BRD4: variants seen among roughly 807,000 people sequenced by gnomAD.
The protein encoded by BRD4 is bromodomain-containing protein 4.
Under a neutral mutation model 142.1 loss-of-function variants are expected in BRD4, and 16 were observed. The ratio of observed to expected loss-of-function variants is 0.11; its 90% CI spans 0.08 to 0.17. BRD4 has a LOEUF of 0.17. Among genes scored for constraint, BRD4 ranks in the 10% least tolerant of loss-of-function variants. The pLI, the probability that BRD4 is intolerant of heterozygous loss-of-function variation, is 1.00. For synonymous variants in BRD4, 833 were observed against 707.5 expected (o/e 1.18, Z -2.82); for missense variants, 1,424 against 1,810.9 (o/e 0.79, Z 3.88).
chr19:15,259,016 G>T (rs1050408172), intron 7 of BRD4, among the ~76,000 whole-genome samples: 1 of 152,184 alleles, frequency 6.6e-6, no homozygotes, highest in Non-Finnish European at 1.5e-5. Flanking sequence ...GGGAGGAAAA[G>T]GTGGGGGGCT....
rs533031833 is a variant in BRD4, at chr19:15,267,877, T to C, written c.424-326A>G. ...TGAAAGGGGCCCTCCTTTGACACAATTCAATTTCACCAGAAATACGTGAAT... is the reference window on the plus strand; with the variant it reads ...TGAAAGGGGCCCTCCTTTGACACAACTCAATTTCACCAGAAATACGTGAAT... On this transcript the variant is annotated intron_variant, in intron 3 of 19. Coordinates refer to ENST00000679869, the MANE Select transcript of BRD4 (RefSeq NM_001379291.1). 1.4e-4 allele frequency among the ~76,000 whole-genome samples: 22 copies of C among 152,280 alleles called. No individual in the cohort carries two copies. The East Asian group carries it at 3.9e-3, about 27-fold the overall frequency.
intron 11 of BRD4, among the ~76,000 whole-genome samples, chr19:15,252,725 G>A (rs927289960): frequency 2.0e-5 from 3 of 152,208 alleles, no homozygotes; most frequent in East Asian, 1.9e-4. Context: ...AGCTGCCCAC[G>A]GCATTCTGCA....
chr19:15,301,250 G>A (rs537689204), intron 1 of BRD4, among the ~76,000 whole-genome samples: 2 of 152,196 alleles, frequency 1.3e-5, no homozygotes, highest in Non-Finnish European at 2.9e-5. Flanking sequence ...CAAAATCATA[G>A]ACACAGAAAA....
At chr19:15,313,373 TAA>T (rs33991091) in intron 1 of BRD4, among the ~76,000 whole-genome samples, 240 of 99,930 alleles carry the variant, frequency 2.4e-3, no homozygotes, top group Admixed American at 2.2e-3. Context: ...ACTCCATCTT[TAA>T]AAAAAAAAAA....
At position 15,238,917 on chromosome 19, in the gene BRD4, G is replaced by A. The variant is rs992519214; in HGVS notation, c.3846C>T (p.Arg1282=). 1.9e-6 allele frequency: 3 copies of A among 1,595,392 alleles called. No individual in the cohort carries two copies. The highest frequency in any genetic ancestry group is 8.5e-7 in the Non-Finnish European group (1 of 1,173,092). ...ARRAHEEARR[R]QEQQQQQRQE... is the part of the protein sequence containing the mutation. ...GGCGCTGCTGCTGCTGCTGCTCCTG[G>A]CGCCGACGTGCCTCCTCATGGGCCC... Residue 1282 remains arginine, a synonymous_variant, in exon 19 of 20, where the codon CGC becomes CGT. Coordinates refer to ENST00000679869, the MANE Select transcript of BRD4 (RefSeq NM_001379291.1). The surrounding 1 kb of genome is among the most constrained non-coding windows in gnomAD (Gnocchi z 7.2).
intron 1 of BRD4, among the ~76,000 whole-genome samples, chr19:15,273,393 G>A (rs2047611597): frequency 6.6e-6 from 1 of 152,226 alleles, no homozygotes. Context: ...CTAGGAGCCA[G>A]CAAAGGCTCT....
At chr19:15,302,616 C>T (rs2047878754) in intron 1 of BRD4, among the ~76,000 whole-genome samples, 1 of 125,002 alleles carries the variant, frequency 8.0e-6, no homozygotes, top group African/African-American at 3.2e-5. Context: ...TTGCAGTGAG[C>T]TGAGATCGTG....
In BRD4 at chr19:15,243,480, G is replaced by A. The variant is rs1334283407; in HGVS notation, c.2589C>T (p.His863=). 6.4e-7 allele frequency: 1 copy of A among 1,560,972 alleles called. No homozygotes were observed. Among genetic ancestry groups the A allele is most frequent in the Non-Finnish European group, 8.6e-7 (1 of 1,157,208 alleles). The change falls in exon 14 of 20, where the codon CAC becomes CAT. Residue 863 remains histidine, a synonymous_variant. Transcript: ENST00000679869. ...QHAVVSPPAL[H]NALPQQPSRP... is the part of the protein sequence containing the mutation. ...GTGATGGCTGCTGGGGTAGTGCGTTGTGCAAAGCTGGAAGAACACAACACC... is the reference window on the plus strand; with the variant it reads ...GTGATGGCTGCTGGGGTAGTGCGTTATGCAAAGCTGGAAGAACACAACACC...
At chr19:15,244,088 G>A (rs1209971524) in intron 13 of BRD4, 143 bp downstream of exon 13, 1 of 1,431,138 alleles carries the variant, frequency 7.0e-7, no homozygotes, top group Non-Finnish European at 9.4e-7. Context: ...CTTCCAAGAT[G>A]GCCTCGAGAA....
chr19:15,320,162 G>A (rs1032137557), intron 1 of BRD4, among the ~76,000 whole-genome samples: 1 of 152,122 alleles, frequency 6.6e-6, no homozygotes, highest in East Asian at 1.9e-4. Flanking sequence ...GAGAAGCAGG[G>A]TCAGTCCCAT....
At chr19:15,312,527 G>C (rs907657386) in intron 1 of BRD4, among the ~76,000 whole-genome samples, 1 of 152,166 alleles carries the variant, frequency 6.6e-6, no homozygotes, top group South Asian at 2.1e-4. Context: ...AGCTACTCAG[G>C]AGGCTGAGGC....
rs200802400 is a variant in BRD4, at chr19:15,254,235, G to A, written c.2075C>T (p.Ser692Phe). The change falls in exon 11 of 20, where the codon TCC becomes TTC. Residue 692 changes from serine (S) to phenylalanine (F), a missense_variant. Ser to Phe is a radical substitution (Grantham distance 155). Coordinates refer to ENST00000679869, the MANE Select transcript of BRD4 (RefSeq NM_001379291.1). ...QAEKVDVIAG[S>F]SKMKGFSSSE... is the part of the protein sequence containing the mutation. ...GGACGAGAAGCCCTTCATCTTGGAG[G>A]AGCCGGCAATCACATCAACTTTCTC... is the stretch of plus-strand genomic sequence containing the variant. 4.3e-5 allele frequency: 69 copies of A among 1,614,098 alleles called. No individual in the cohort carries two copies. The highest frequency in any genetic ancestry group is 5.8e-5 in the Non-Finnish European group (68 of 1,180,044).
chr19:15,241,789 T>C (rs2047239772), intron 14 of BRD4, among the ~76,000 whole-genome samples: 1 of 148,592 alleles, frequency 6.7e-6, no homozygotes. Flanking sequence ...CATGCAGAGA[T>C]CCACTTGGCA....
At chr19:15,327,518 T>C (rs1024402393) in intron 1 of BRD4, among the ~76,000 whole-genome samples, 1 of 151,924 alleles carries the variant, frequency 6.6e-6, no homozygotes, top group Non-Finnish European at 1.5e-5. Context: ...CACTCCAGCC[T>C]GGGCGACACA....
At chr19:15,299,235 C>T (rs987599430) in intron 1 of BRD4, among the ~76,000 whole-genome samples, 2 of 152,168 alleles carry the variant, frequency 1.3e-5, no homozygotes, top group African/African-American at 4.8e-5. Flanking sequence ...GTGACCATCA[C>T]ATAGAGAATG....
intron 1 of BRD4, among the ~76,000 whole-genome samples, chr19:15,315,002 A>G (rs1165435953): frequency 6.6e-6 from 1 of 152,196 alleles, no homozygotes; most frequent in Non-Finnish European, 1.5e-5. Context: ...ACAGGAGTGT[A>G]GGTCTTATCC....
At chr19:15,292,970 T>C (rs2047795937) in intron 1 of BRD4, among the ~76,000 whole-genome samples, 1 of 151,904 alleles carries the variant, frequency 6.6e-6, no homozygotes, top group Non-Finnish European at 1.5e-5. Flanking sequence ...TTAACTCCTC[T>C]TGGAGTTAAG....
At chr19:15,279,598 G>A (rs1448354988) in intron 1 of BRD4, among the ~76,000 whole-genome samples, 1 of 152,220 alleles carries the variant, frequency 6.6e-6, no homozygotes, top group Non-Finnish European at 1.5e-5. Context: ...GACCAGGAAA[G>A]GAGATTAGAA....
chr19:15,273,866 G>A (rs1158739197), intron 1 of BRD4, among the ~76,000 whole-genome samples: 2 of 150,286 alleles, frequency 1.3e-5, no homozygotes, highest in Non-Finnish European at 2.9e-5. Context: ...GAACTCAGTG[G>A]AGATATCATT....
Sources: allele counts gnomAD v4.1 joint callset (sites outside exome capture counted in the v4.1 genomes callset), GRCh38; gene constraint gnomAD v4.1.1; non-coding constraint Gnocchi (gnomAD v3.1); transcripts MANE v1.5; gene names NCBI Gene and HGNC (gene_info 2026-07-23, HGNC 2026-07-21).